The following NRXN1 variants were observed in gnomAD, a reference collection of about 807,000 sequenced individuals.
NRXN1 encodes neurexin 1, also known as neurexin-1.
In NRXN1, 39 loss-of-function variants were observed where a neutral mutation model predicts 150.9. That is an observed-to-expected ratio of 0.26 (90% confidence interval 0.20 to 0.34). NRXN1 has a LOEUF of 0.34. Among genes scored for constraint, NRXN1 ranks in the 10% least tolerant of loss-of-function variants. NRXN1 has a pLI of 1.00. For synonymous variants in NRXN1, 924 were observed against 757.0 expected (o/e 1.22, Z -3.62); for missense variants, 1,815 against 1,949.9 (o/e 0.93, Z 1.30).
chr2:50,491,649 G>T (rs966117690), intron 15 of NRXN1, among the ~76,000 whole-genome samples: 1 of 152,134 alleles, frequency 6.6e-6, no homozygotes, highest in Non-Finnish European at 1.5e-5. Context: ...GAGGAAGAAA[G>T]GACAAAGTAC....
Position 50,829,331 on chromosome 2 carries a change from T to G in NRXN1, c.832+92538A>C, listed in dbSNP as rs535865077. ...TTTTAGTAGAGATGGGGTTTCTCCATGTTGATCAGGACAGTCAAACTCCCA... is the reference window on the plus strand; with the variant it reads ...TTTTAGTAGAGATGGGGTTTCTCCAGGTTGATCAGGACAGTCAAACTCCCA... On this transcript the variant is annotated intron_variant, in intron 5 of 22. Coordinates refer to ENST00000401669, the MANE Select transcript of NRXN1 (RefSeq NM_001330078.2). The G allele has an allele frequency of 5.5e-5, 38 of 690,314 alleles. No homozygotes were observed. In the East Asian group the frequency reaches 1.0e-3, roughly 19 times the overall value. 42.8% of individuals were successfully genotyped at this position (690,314 alleles called of 1,614,324 possible). A position where few individuals can be genotyped will look rare whatever the true frequency, so the allele number is the denominator to read the frequency against.
At position 49,919,895 on chromosome 2, in the gene NRXN1, T is replaced by C. The variant is rs926863843; in HGVS notation, c.*2049A>G. ...TCCAGGCCACTTCTTGGCTTTTTTT[T>C]CATCAACTAAAGTATCACAAAAGAT... On this transcript the variant is annotated 3_prime_UTR_variant, in exon 23 of 23. Coordinates refer to ENST00000401669, the MANE Select transcript of NRXN1 (RefSeq NM_001330078.2). 1.3e-5 allele frequency: 2 copies of C among 152,182 alleles called. No homozygotes were observed. Among genetic ancestry groups the C allele is most frequent in the Non-Finnish European group, 2.9e-5 (2 of 68,000 alleles). 9.4% of individuals were successfully genotyped at this position (152,182 alleles called of 1,614,324 possible).
chr2:50,075,871 T>G (rs1458885725), intron 19 of NRXN1, among the ~76,000 whole-genome samples: 1 of 151,806 alleles, frequency 6.6e-6, no homozygotes, highest in Non-Finnish European at 1.5e-5. Context: ...AAGCACAGAC[T>G]GTATTTCAGC....
intron 5 of NRXN1, among the ~76,000 whole-genome samples, chr2:50,682,903 C>G (rs1690621951): frequency 6.6e-6 from 1 of 152,120 alleles, no homozygotes; most frequent in Non-Finnish European, 1.5e-5. Context: ...TACAGCCTTG[C>G]ACATAACACA....
intron 21 of NRXN1, among the ~76,000 whole-genome samples, chr2:49,993,942 A>G (rs868821731): frequency 3.9e-5 from 6 of 152,204 alleles, no homozygotes; most frequent in Admixed American, 6.5e-5. Context: ...CCTTCTGTCA[A>G]CCTTTCAAAA....
intron 5 of NRXN1, among the ~76,000 whole-genome samples, chr2:50,900,557 T>C (rs915016018): frequency 2.6e-5 from 4 of 152,076 alleles, no homozygotes; most frequent in African/African-American, 9.7e-5. Context: ...GAAAATAGAA[T>C]TGGAAACAAG....
intron 17 of NRXN1, among the ~76,000 whole-genome samples, chr2:50,350,394 G>T (rs2078324639): frequency 6.6e-6 from 1 of 152,136 alleles, no homozygotes. Context: ...CAAAAACGTG[G>T]TGCTAAAAAG....
At position 51,025,465 on chromosome 2, in the gene NRXN1, T is replaced by C. The variant is rs1032184565; in HGVS notation, c.772+2037A>G. 3.3e-5 allele frequency among the ~76,000 whole-genome samples: 5 copies of C among 152,278 alleles called. No individual in the cohort carries two copies. The East Asian group carries it at 7.7e-4, about 23-fold the overall frequency. ...TCTGAATCCCTACATTAAAAATGCA[T>C]AGAAAAATAAAAATTTTCATTTAAA... On this transcript the variant is annotated intron_variant, in intron 2 of 22. Transcript: ENST00000401669.
At chr2:50,352,137 A>G (rs958607750) in intron 17 of NRXN1, among the ~76,000 whole-genome samples, 2 of 152,162 alleles carry the variant, frequency 1.3e-5, no homozygotes, top group African/African-American at 4.8e-5. Flanking sequence ...ATTTATCATG[A>G]ACAAGAATAC....
intron 18 of NRXN1, among the ~76,000 whole-genome samples, chr2:50,103,202 G>T (rs1364797766): frequency 2.0e-5 from 3 of 152,024 alleles, no homozygotes; most frequent in Admixed American, 1.3e-4. Flanking sequence ...TGTCAAAAAA[G>T]ATTCATCATT....
At chr2:51,016,841 C>T (rs1404891234) in intron 2 of NRXN1, among the ~76,000 whole-genome samples, 1 of 152,122 alleles carries the variant, frequency 6.6e-6, no homozygotes, top group Non-Finnish European at 1.5e-5. Context: ...ATTGCAAAGA[C>T]TTGAAACCAA....
intron 21 of NRXN1, among the ~76,000 whole-genome samples, chr2:50,039,257 G>A (rs1690543885): frequency 6.6e-6 from 1 of 152,092 alleles, no homozygotes; most frequent in African/African-American, 2.4e-5. Flanking sequence ...CCTGAGGTCA[G>A]GAGTTCAAGA....
chr2:50,505,318 T>C (rs2092165416), intron 13 of NRXN1, among the ~76,000 whole-genome samples: 1 of 152,184 alleles, frequency 6.6e-6, no homozygotes, highest in Non-Finnish European at 1.5e-5. Flanking sequence ...CGAGTGCCAC[T>C]TACCTCATCT....
At position 50,849,910 on chromosome 2, in the gene NRXN1, A is replaced by T. The variant is rs185372037; in HGVS notation, c.832+71959T>A. ...TTTATGACTGAATTCTAAGTTTTTT[A>T]AAAAATACGTATTTGTCCAGGTGTG... On this transcript the variant is annotated intron_variant, in intron 5 of 22. Transcript: ENST00000401669. 1.6e-3 allele frequency among the ~76,000 whole-genome samples: 242 copies of T among 152,204 alleles called. 2 individuals are homozygous for T. The highest frequency in any genetic ancestry group is 5.4e-3 in the African/African-American group (225 of 41,524).
chr2:50,047,595 C>T (rs1692020208), intron 21 of NRXN1, among the ~76,000 whole-genome samples: 1 of 151,988 alleles, frequency 6.6e-6, no homozygotes, highest in African/African-American at 2.4e-5. Flanking sequence ...ATTAATATAC[C>T]AAAGTTTTAT....
chr2:50,597,450 A>T (rs1308878553), intron 8 of NRXN1, among the ~76,000 whole-genome samples: 2 of 152,074 alleles, frequency 1.3e-5, no homozygotes, highest in Non-Finnish European at 2.9e-5. Flanking sequence ...CTACCCTGGG[A>T]TACATTCCTT....
intron 15 of NRXN1, among the ~76,000 whole-genome samples, chr2:50,474,140 G>T (rs541374509): frequency 5.3e-5 from 8 of 151,840 alleles, no homozygotes; most frequent in African/African-American, 1.7e-4. Flanking sequence ...CTATTTTGAA[G>T]AATTATTTGA....
chr2:50,182,617 A>G (rs1166629566), intron 18 of NRXN1, among the ~76,000 whole-genome samples: 3 of 151,996 alleles, frequency 2.0e-5, no homozygotes, highest in Non-Finnish European at 4.4e-5. Context: ...TTTCTCTTTT[A>G]AGTGGCCCTG....
chr2:50,988,446 T>C (rs1002613806), intron 2 of NRXN1, among the ~76,000 whole-genome samples: 2 of 151,976 alleles, frequency 1.3e-5, no homozygotes, highest in Non-Finnish European at 2.9e-5. Context: ...CAAATAAGAA[T>C]GCCAATTTTG....
Sources: gnomAD v4.1 joint callset for allele counts (sites outside exome capture counted in the v4.1 genomes callset) on GRCh38, gnomAD v4.1.1 for gene constraint, MANE v1.5 for transcripts, NCBI Gene and HGNC (gene_info 2026-07-23, HGNC 2026-07-21) for gene names.